The following UBE2D1 variants were observed in gnomAD, a reference collection of about 807,000 sequenced individuals.
UBE2D1 encodes the protein ubiquitin conjugating enzyme E2 D1.
Under a neutral mutation model 24.6 loss-of-function variants are expected in UBE2D1, and 9 were observed. That is an observed-to-expected ratio of 0.37 (90% CI 0.22 to 0.64). The LOEUF is 0.64. Ranked by LOEUF, UBE2D1 falls within the 30% of genes least tolerant of loss-of-function variation. The pLI is 0.64. For missense variants in UBE2D1, 87 were observed against 177.1 expected (o/e 0.49, Z 2.89); for synonymous variants, 57 against 57.6 (o/e 0.99, Z 0.04).
In UBE2D1 at chr10:58,361,519, TG is replaced by T; in HGVS notation, c.117del (p.Pro40LeufsTer39). On this transcript the variant is annotated frameshift_variant, in exon 3 of 7. Coordinates refer to ENST00000373910, the MANE Select transcript of UBE2D1 (RefSeq NM_003338.5). LOFTEE classifies it high-confidence loss of function. ...DDLFHWQATI[M>X]GPPDSAYQGG... is the part of the protein sequence containing the mutation. The stretch of plus-strand genomic sequence containing the variant: ...GTGTTCCACTGGCAAGCCACTATTA[TG>T]GGGCCTGTAAGTATGATTCATATCT... The T allele has an allele frequency of 6.2e-7, 1 of 1,614,162 alleles. No individual in the cohort carries two copies. The highest frequency in any genetic ancestry group is 8.5e-7 in the Non-Finnish European group (1 of 1,180,018).
At position 58,364,843 on chromosome 10, in the gene UBE2D1, T is replaced by A. The variant is rs760945440; in HGVS notation, c.271T>A (p.Ser91Thr). ...NGSICLDILR[S>T]QWSPALTVSK... ...AAGTATTTGTCTCGATATTCTGAGG[T>A]CACAATGGTCACCAGCTCTGACTGT... The change falls in exon 5 of 7, where the codon TCA (serine) becomes ACA (threonine). Residue 91 changes from serine to threonine, a missense_variant. Coordinates refer to ENST00000373910, the MANE Select transcript of UBE2D1 (RefSeq NM_003338.5). 6.2e-6 allele frequency: 10 copies of A among 1,613,592 alleles called. No homozygotes were observed. In the Admixed American group the frequency reaches 1.3e-4, roughly 22 times the overall value.
chr10:58,343,669 A>G (rs1012182168), intron 1 of UBE2D1, among the ~76,000 whole-genome samples: 1 of 152,196 alleles, frequency 6.6e-6, no homozygotes, highest in African/African-American at 2.4e-5. Flanking sequence ...TACAGACCGT[A>G]TGCATTGTTT....
chr10:58,337,875 C>T (rs188979258), intron 1 of UBE2D1, among the ~76,000 whole-genome samples: 120 of 151,786 alleles, frequency 7.9e-4, no homozygotes, highest in African/African-American at 2.8e-3. Context: ...GAGATGGAGT[C>T]TTGCTATGTT....
At position 58,368,827 on chromosome 10, in the gene UBE2D1, G is replaced by A. The variant is rs1840284900; in HGVS notation, c.*62G>A. The A allele has an allele frequency of 1.7e-6, 2 of 1,149,240 alleles. No homozygotes were observed. Among genetic ancestry groups the A allele is most frequent in the East Asian group, 2.6e-5 (1 of 38,724 alleles). 71.2% of individuals were successfully genotyped at this position (1,149,240 alleles called of 1,614,324 possible). A position where few individuals can be genotyped will look rare whatever the true frequency, so the allele number is the denominator to read the frequency against. Reference sequence around the variant, plus strand: ...AAAATCTAGGTTTTTTTCAACATTAGCAGTAAATTGAGCACTGTTTACTGT... The same window carrying A: ...AAAATCTAGGTTTTTTTCAACATTAACAGTAAATTGAGCACTGTTTACTGT... On this transcript the variant is annotated 3_prime_UTR_variant, in exon 7 of 7. Transcript: ENST00000373910.
intron 1 of UBE2D1, among the ~76,000 whole-genome samples, chr10:58,344,734 A>G (rs550051461): frequency 6.6e-6 from 1 of 152,310 alleles, no homozygotes; most frequent in East Asian, 1.9e-4. Flanking sequence ...TGCACTGGTA[A>G]CATAACGTGG....
intron 6 of UBE2D1, chr10:58,368,496 AT>A (rs1424681015): frequency 3.0e-6 from 1 of 334,748 alleles, no homozygotes; most frequent in African/African-American, 2.1e-5. Flanking sequence ...ATTTTTGTGT[AT>A]TTGGATACAT....
In UBE2D1 at chr10:58,364,943, C is replaced by T. The variant is rs1453295547; in HGVS notation, c.304+67C>T. ...GACAGGAAAAATACAGCAGAATTACCTATGGACTAAAGTTTTAAAACAACA... is the reference window on the plus strand; with the variant it reads ...GACAGGAAAAATACAGCAGAATTACTTATGGACTAAAGTTTTAAAACAACA... On this transcript the variant is annotated intron_variant, in intron 5 of 6. Transcript: ENST00000373910. The T allele has an allele frequency of 4.2e-5, 53 of 1,266,478 alleles. No homozygotes were observed. The East Asian group carries it at 1.1e-3, about 25-fold the overall frequency. 78.5% of individuals were successfully genotyped at this position (1,266,478 alleles called of 1,614,324 possible). A position where few individuals can be genotyped will look rare whatever the true frequency, so the allele number is the denominator to read the frequency against.
At chr10:58,346,457 G>A (rs1840018564) in intron 1 of UBE2D1, among the ~76,000 whole-genome samples, 1 of 152,182 alleles carries the variant, frequency 6.6e-6, no homozygotes, top group Admixed American at 6.5e-5. Flanking sequence ...GAAGGTTTCA[G>A]GGAAAACCTG....
At chr10:58,357,087 A>G (rs924665296) in intron 1 of UBE2D1, among the ~76,000 whole-genome samples, 3 of 152,124 alleles carry the variant, frequency 2.0e-5, no homozygotes, top group Admixed American at 6.5e-5. Flanking sequence ...ATTGTTCTCA[A>G]GAGGGACTTC....
At chr10:58,341,424 A>T (rs1454644586) in intron 1 of UBE2D1, among the ~76,000 whole-genome samples, 2 of 151,726 alleles carry the variant, frequency 1.3e-5, no homozygotes, top group Admixed American at 6.6e-5. Context: ...CACGATGTAA[A>T]TTTTTTTTTA....
At chr10:58,350,739 T>C (rs1840065634) in intron 1 of UBE2D1, among the ~76,000 whole-genome samples, 1 of 152,220 alleles carries the variant, frequency 6.6e-6, no homozygotes, top group Non-Finnish European at 1.5e-5. Context: ...CTATTTAGGA[T>C]TGATTTTTGT....
At chr10:58,360,454 G>A (rs1325924467) in intron 1 of UBE2D1, among the ~76,000 whole-genome samples, 4 of 151,906 alleles carry the variant, frequency 2.6e-5, no homozygotes, top group African/African-American at 9.7e-5. Context: ...CCAAAAAAGA[G>A]AAAAGAAGAA....
chr10:58,362,784 A>G (rs1564562231), intron 3 of UBE2D1, among the ~76,000 whole-genome samples: 1 of 152,134 alleles, frequency 6.6e-6, no homozygotes, highest in Non-Finnish European at 1.5e-5. Flanking sequence ...TCTAGCATAT[A>G]TGTGGAAACT....
intron 1 of UBE2D1, among the ~76,000 whole-genome samples, chr10:58,351,139 G>C (rs752567790): frequency 8.5e-5 from 13 of 152,234 alleles, no homozygotes; most frequent in South Asian, 8.3e-4. Flanking sequence ...TGAAGGCCTT[G>C]GGCATTACTG....
At chr10:58,351,775 A>G (rs1292493587) in intron 1 of UBE2D1, among the ~76,000 whole-genome samples, 8 of 152,228 alleles carry the variant, frequency 5.3e-5, no homozygotes, top group African/African-American at 1.9e-4. Context: ...TGTATGTGCT[A>G]TACTTTTATA....
intron 1 of UBE2D1, among the ~76,000 whole-genome samples, chr10:58,338,335 T>A (rs1448621659): frequency 6.6e-6 from 1 of 152,226 alleles, no homozygotes; most frequent in East Asian, 1.9e-4. Context: ...TACTAAATGA[T>A]TTAATGCTCT....
At chr10:58,364,085 T>C (rs1840229281) in intron 4 of UBE2D1, among the ~76,000 whole-genome samples, 2 of 152,034 alleles carry the variant, frequency 1.3e-5, no homozygotes, top group Admixed American at 6.6e-5. Context: ...TGTGTTCTTC[T>C]ACACTGGGGA....
Position 58,370,163 on chromosome 10 carries a change from T to C in UBE2D1, c.*1398T>C, listed in dbSNP as rs532085335. On this transcript the variant is annotated 3_prime_UTR_variant, in exon 7 of 7. Transcript: ENST00000373910. Reference sequence around the variant, plus strand: ...TAAATAAGCAGGTTATCTTTATAGATTTTAAAGAAAACTAGAAAGTTTTAA... The same window carrying C: ...TAAATAAGCAGGTTATCTTTATAGACTTTAAAGAAAACTAGAAAGTTTTAA... The C allele has an allele frequency of 4.6e-5, 7 of 152,176 alleles. No homozygotes were observed. In the East Asian group the frequency reaches 9.5e-4, roughly 21 times the overall value. The allele number at this position is 152,176 out of a possible 1,614,324, so 9.4% of individuals were successfully genotyped here. A position where few individuals can be genotyped will look rare whatever the true frequency, so the allele number is the denominator to read the frequency against.
chr10:58,345,929 G>A (rs1480075290), intron 1 of UBE2D1, among the ~76,000 whole-genome samples: 1 of 151,990 alleles, frequency 6.6e-6, no homozygotes. Flanking sequence ...AGACAACCTT[G>A]AAGGCCTGTG....
Sources: allele counts gnomAD v4.1 joint callset (sites outside exome capture counted in the v4.1 genomes callset), GRCh38; gene constraint gnomAD v4.1.1; transcripts MANE v1.5; gene names NCBI Gene and HGNC (gene_info 2026-07-23, HGNC 2026-07-21).